HYDIN: variants seen among roughly 807,000 people sequenced by gnomAD.
HYDIN encodes the protein HYDIN axonemal central pair apparatus protein.
HYDIN carries 132 observed loss-of-function variants against 403.9 expected under a neutral mutation model. That is an observed-to-expected ratio of 0.33 (90% CI 0.28 to 0.38). The LOEUF is 0.38. Among genes scored for constraint, HYDIN ranks in the 10% least tolerant of loss-of-function variants. The pLI, the probability that HYDIN is intolerant of heterozygous loss-of-function variation, is 1.00. For synonymous variants in HYDIN, 1,202 were observed against 1,891.7 expected, an observed-to-expected ratio of 0.64 and a Z score of 9.46; for missense variants, 2,827 against 5,009.5, an observed-to-expected ratio of 0.56 and a Z score of 13.15.
chr16:70,845,389 GC>G (rs2038130257), intron 75 of HYDIN, among the ~76,000 whole-genome samples: 1 of 94,584 alleles, frequency 1.1e-5, no homozygotes, highest in Non-Finnish European at 1.9e-5. Context: ...CAGGGATGAA[GC>G]CCACTTGATC....
chr16:70,947,326 A>G (rs1567884601), intron 41 of HYDIN, among the ~76,000 whole-genome samples: 1 of 151,314 alleles, frequency 6.6e-6, no homozygotes, highest in Non-Finnish European at 1.5e-5. Flanking sequence ...GGTTCTGTTT[A>G]TATGCTGTAT....
chr16:70,858,724 C>A (rs559041707), intron 71 of HYDIN, among the ~76,000 whole-genome samples: 383 of 152,218 alleles, frequency 2.5e-3, no homozygotes, highest in South Asian at 8.3e-3. Flanking sequence ...TAAAGACCAG[C>A]ATGACTTTGG....
chr16:70,857,018 A>G (rs1316159517), intron 72 of HYDIN, among the ~76,000 whole-genome samples: 1 of 148,948 alleles, frequency 6.7e-6, no homozygotes, highest in South Asian at 2.2e-4. Context: ...CAACCATGGG[A>G]AAGATACATG....
At chr16:70,921,244 C>A in intron 45 of HYDIN, 27 bp from the exon 46 acceptor site, 19 of 1,512,662 alleles carry the variant, frequency 1.3e-5, no homozygotes, top group Admixed American at 2.2e-5. Context: ...AGAAAAGATG[C>A]GTCAAACAGT....
chr16:71,016,979 G>C (rs1007201881), intron 23 of HYDIN, among the ~76,000 whole-genome samples: 17 of 151,122 alleles, frequency 1.1e-4, no homozygotes, highest in Admixed American at 4.0e-4. Flanking sequence ...ATTGGATCAC[G>C]CAGGTGGTTT....
chr16:71,125,710 A>G (rs1438208900), intron 9 of HYDIN, among the ~76,000 whole-genome samples: 1 of 152,038 alleles, frequency 6.6e-6, no homozygotes, highest in Non-Finnish European at 1.5e-5. Flanking sequence ...CACAAATGAA[A>G]TTCCTCACAA....
At chr16:71,012,012 T>C in intron 23 of HYDIN, among the ~76,000 whole-genome samples, 1 of 152,246 alleles carries the variant, frequency 6.6e-6, no homozygotes, top group Non-Finnish European at 1.5e-5. Context: ...TTGGCCCACA[T>C]GCTCTAAGTT....
At chr16:71,104,248 A>G (rs1456906758) in intron 10 of HYDIN, among the ~76,000 whole-genome samples, 4 of 152,146 alleles carry the variant, frequency 2.6e-5, no homozygotes, top group African/African-American at 9.6e-5. Flanking sequence ...AGATTCTCTA[A>G]GGACATTACT....
intron 5 of HYDIN, among the ~76,000 whole-genome samples, chr16:71,172,693 A>G (rs1225964284): frequency 6.6e-6 from 1 of 152,202 alleles, no homozygotes; most frequent in Non-Finnish European, 1.5e-5. Flanking sequence ...GCTAATATAC[A>G]TGGGTACTGA....
intron 73 of HYDIN, chr16:70,852,622 C>G (rs1391679049): frequency 6.8e-6 from 1 of 147,660 alleles, no homozygotes; most frequent in Non-Finnish European, 1.5e-5. Context: ...AACAAACAGG[C>G]TGAGCAGGAA....
intron 75 of HYDIN, among the ~76,000 whole-genome samples, chr16:70,842,659 A>AT (rs2037907787): frequency 6.6e-6 from 1 of 151,648 alleles, no homozygotes; most frequent in Admixed American, 6.6e-5. Context: ...TTGGATCATG[A>AT]TTTTTCCCAT....
chr16:70,916,605 T>C (rs1597312917), intron 47 of HYDIN, among the ~76,000 whole-genome samples: 1 of 152,166 alleles, frequency 6.6e-6, no homozygotes, highest in East Asian at 1.9e-4. Flanking sequence ...AAATTCACAA[T>C]GCGAGACTTG....
intron 41 of HYDIN, among the ~76,000 whole-genome samples, chr16:70,946,003 G>A (rs535379670): frequency 2.0e-5 from 3 of 152,020 alleles, no homozygotes; most frequent in Admixed American, 1.3e-4. Context: ...GTGGGGTCAC[G>A]GGAAAGCATT....
chr16:71,218,101 A>G (rs1567466345), intron 1 of HYDIN, among the ~76,000 whole-genome samples: 1 of 152,238 alleles, frequency 6.6e-6, no homozygotes, highest in Non-Finnish European at 1.5e-5. Flanking sequence ...AGAAAAAAAA[A>G]GACCAATTTT....
intron 53 of HYDIN, among the ~76,000 whole-genome samples, chr16:70,900,236 G>A (rs747505371): frequency 6.6e-6 from 1 of 151,978 alleles, no homozygotes; most frequent in Non-Finnish European, 1.5e-5. Flanking sequence ...AGCACTTTGG[G>A]AGGCCGAGGC....
At chr16:70,949,348 A>G (rs2077987152) in intron 41 of HYDIN, among the ~76,000 whole-genome samples, 1 of 150,550 alleles carries the variant, frequency 6.6e-6, no homozygotes, top group African/African-American at 2.4e-5. Flanking sequence ...TGGGAGATAT[A>G]CCTAATGTTA....
intron 5 of HYDIN, among the ~76,000 whole-genome samples, chr16:71,168,650 T>G (rs1416886514): frequency 3.3e-5 from 5 of 152,080 alleles, no homozygotes; most frequent in Non-Finnish European, 7.4e-5. Flanking sequence ...CCATCCTCGA[T>G]GTCACCCTGT....
chr16:71,201,099 C>T (rs2087981544), intron 1 of HYDIN, among the ~76,000 whole-genome samples: 1 of 152,176 alleles, frequency 6.6e-6, no homozygotes. Context: ...AGACCCTTGA[C>T]CTCTCTGACA....
chr16:70,864,779 T>C (rs909265276), intron 67 of HYDIN, among the ~76,000 whole-genome samples: 43 of 152,180 alleles, frequency 2.8e-4, no homozygotes, highest in Non-Finnish European at 5.0e-4. Context: ...TGGAAAACTT[T>C]TGTAAAGGGC....
Sources: allele counts gnomAD v4.1 joint callset (sites outside exome capture counted in the v4.1 genomes callset), GRCh38; gene constraint gnomAD v4.1.1; transcripts MANE v1.5; gene names NCBI Gene and HGNC (gene_info 2026-07-23, HGNC 2026-07-21).